Variants in ASXL1 observed in about 807,000 individuals in gnomAD.
ASXL1 encodes ASXL transcriptional regulator 1.
In ASXL1, 65 loss-of-function variants were observed where a neutral mutation model predicts 89.1. That is an observed-to-expected ratio of 0.73 (90% CI 0.60 to 0.90). The LOEUF (loss-of-function observed/expected upper bound fraction) is 0.90, where lower values mean the gene tolerates loss of function less well. Ranked by LOEUF, ASXL1 falls within the 40% of genes least tolerant of loss-of-function variation. ASXL1 has a pLI of 0.00. For synonymous variants in ASXL1, 739 were observed against 746.9 expected, an observed-to-expected ratio of 0.99 and a Z score of 0.17; for missense variants, 1,786 against 1,942.9, an observed-to-expected ratio of 0.92 and a Z score of 1.52.
intron 1 of ASXL1, 148 bp downstream of exon 1, chr20:32,358,980 A>G: frequency 2.3e-6 from 2 of 880,042 alleles, no homozygotes; most frequent in South Asian, 3.7e-5. Flanking sequence ...CAGCCCCGCA[A>G]GGCGAGGGGT....
At chr20:32,415,164 A>T (rs1250671239) in intron 4 of ASXL1, among the ~76,000 whole-genome samples, 1 of 151,812 alleles carries the variant, frequency 6.6e-6, no homozygotes, top group Non-Finnish European at 1.5e-5. Context: ...GCCCGCCATC[A>T]CCCCTGGCTA....
chr20:32,429,286 T>C lies in ASXL1; in HGVS notation c.472-52T>C, dbSNP rs901089737. The C allele has an allele frequency of 1.3e-6, 2 of 1,564,020 alleles. No individual in the cohort carries two copies. The highest frequency in any genetic ancestry group is 8.8e-7 in the Non-Finnish European group (1 of 1,138,486). ...GAGATAGTGTCGCCAGGGAATGCTTTTGTGGCTCTGCAGTTGACTTGGGCT... is the reference window on the plus strand; with the variant it reads ...GAGATAGTGTCGCCAGGGAATGCTTCTGTGGCTCTGCAGTTGACTTGGGCT... On this transcript the variant is annotated intron_variant, in intron 6 of 12. Coordinates refer to ENST00000375687, the MANE Select transcript of ASXL1 (RefSeq NM_015338.6). The surrounding 1 kb of genome is among the most constrained non-coding windows in gnomAD (Gnocchi z 4.9).
chr20:32,398,591 TTTTTTTTGTTTG>T (rs1269226394), intron 4 of ASXL1, among the ~76,000 whole-genome samples: 2,065 of 142,158 alleles, frequency 0.015, 56 homozygotes, highest in African/African-American at 0.048. Context: ...GCTGGTTTTG[TTTTTTTTGTTTG>T]TTTTTTTTTT....
intron 4 of ASXL1, among the ~76,000 whole-genome samples, chr20:32,398,152 C>T (rs941350566): frequency 1.3e-5 from 2 of 152,094 alleles, no homozygotes; most frequent in Non-Finnish European, 2.9e-5. Context: ...TTAAATGAAT[C>T]AATAGGTTGT....
chr20:32,411,663 T>G (rs1330749893), intron 4 of ASXL1, among the ~76,000 whole-genome samples: 2 of 150,330 alleles, frequency 1.3e-5, no homozygotes, highest in African/African-American at 4.9e-5. Context: ...TGCCTCAGCC[T>G]CACAAGTAGC....
At chr20:32,405,840 C>G (rs1600534523) in intron 4 of ASXL1, among the ~76,000 whole-genome samples, 1 of 152,076 alleles carries the variant, frequency 6.6e-6, no homozygotes, top group South Asian at 2.1e-4. Flanking sequence ...TATTGATTAT[C>G]TCTTTGATCA....
chr20:32,398,466 T>A, intron 4 of ASXL1, among the ~76,000 whole-genome samples: 1 of 152,194 alleles, frequency 6.6e-6, no homozygotes, highest in East Asian at 1.9e-4. Flanking sequence ...CATTTTTCTC[T>A]CTGTCCTTTT....
At chr20:32,403,571 C>T (rs1040296667) in intron 4 of ASXL1, among the ~76,000 whole-genome samples, 20 of 152,122 alleles carry the variant, frequency 1.3e-4, no homozygotes, top group African/African-American at 4.8e-4. Context: ...TACACCACCA[C>T]TCCCAGCTAA....
intron 1 of ASXL1, among the ~76,000 whole-genome samples, chr20:32,362,882 A>G (rs1220913571): frequency 1.3e-5 from 2 of 152,206 alleles, no homozygotes; most frequent in Non-Finnish European, 2.9e-5. Context: ...GTTTGGGAGA[A>G]ATAGCCAAGG....
chr20:32,379,738 A>C (rs2048454505), intron 4 of ASXL1, among the ~76,000 whole-genome samples: 2 of 151,874 alleles, frequency 1.3e-5, no homozygotes, highest in South Asian at 4.2e-4. Flanking sequence ...AGGCAGGAGA[A>C]TCACTTGAAC....
intron 4 of ASXL1, chr20:32,372,199 T>C (rs769925859): frequency 4.8e-5 from 64 of 1,345,884 alleles, no homozygotes; most frequent in Non-Finnish European, 6.2e-5. Context: ...TCATCTTAAT[T>C]TTAATATATC....
intron 1 of ASXL1, among the ~76,000 whole-genome samples, chr20:32,364,634 C>T (rs966018586): frequency 1.3e-5 from 2 of 152,210 alleles, no homozygotes; most frequent in African/African-American, 4.8e-5. Flanking sequence ...CTCCTGAGCG[C>T]AGCAAGTGAC....
chr20:32,374,275 T>C (rs758306756), intron 4 of ASXL1, among the ~76,000 whole-genome samples: 1 of 152,140 alleles, frequency 6.6e-6, no homozygotes, highest in Non-Finnish European at 1.5e-5. Flanking sequence ...ATTATAGGCA[T>C]GAGCCACTGT....
In ASXL1 at chr20:32,436,851, C is replaced by G. The variant is rs139319958; in HGVS notation, c.4139C>G (p.Ala1380Gly). The G allele has an allele frequency of 2.2e-5, 36 of 1,614,166 alleles. No homozygotes were observed. In the African/African-American group the frequency reaches 3.5e-4, roughly 16 times the overall value. Reference sequence around the variant, plus strand: ...ACTTTTGTGGGGGGTCCTCTTAAGGCAAATGCCGAGAACAGGAAAGCTACT... The same window carrying G: ...ACTTTTGTGGGGGGTCCTCTTAAGGGAAATGCCGAGAACAGGAAAGCTACT... ...EKTFVGGPLK[A>G]NAENRKATGH... The change falls in exon 13 of 13, where the codon GCA becomes GGA. Residue 1380 changes from alanine (A) to glycine (G), a missense_variant. By Grantham distance (60) the Ala-to-Gly change is moderately conservative (BLOSUM62 0). Coordinates refer to ENST00000375687, the MANE Select transcript of ASXL1 (RefSeq NM_015338.6).
chr20:32,391,919 C>T (rs2048678502), intron 4 of ASXL1, among the ~76,000 whole-genome samples: 1 of 149,450 alleles, frequency 6.7e-6, no homozygotes, highest in Non-Finnish European at 1.5e-5. Context: ...TTTTTCCATC[C>T]TTTTGTGTTA....
Position 32,434,869 on chromosome 20 carries a change from G to C in ASXL1, c.2157G>C (p.Glu719Asp). ...AGTAMSRARR[E>D]DLPSLRKEES... is the part of the protein sequence containing the mutation. ...CTGCCATGTCCAGAGCTAGGAGAGA[G>C]GACCTGCCTTCTCTGAGAAAGGAGG... Residue 719 changes from glutamate (E) to aspartate (D), a missense_variant, in exon 13 of 13, where the codon GAG becomes GAC. By Grantham distance (45) the Glu-to-Asp change is conservative. This residue lies in a region of ASXL1 where 1,418 missense variants were observed against 1,427.8 expected (regional missense o/e 0.99). Transcript: ENST00000375687. 1.2e-6 allele frequency: 2 copies of C among 1,614,186 alleles called. No individual in the cohort carries two copies. Among genetic ancestry groups the C allele is most frequent in the Non-Finnish European group, 1.7e-6 (2 of 1,180,030 alleles).
intron 10 of ASXL1, among the ~76,000 whole-genome samples, chr20:32,432,061 T>C (rs1414131087): frequency 1.3e-5 from 2 of 152,242 alleles, no homozygotes; most frequent in Non-Finnish European, 2.9e-5. Flanking sequence ...TGTTAGCTTC[T>C]ATTAATTTAA....
At chr20:32,434,107 A>G in intron 12 of ASXL1, 190 bp downstream of exon 12, 1 of 873,678 alleles carries the variant, frequency 1.1e-6, no homozygotes, top group Non-Finnish European at 1.7e-6. Context: ...TTTTTTGTTC[A>G]CTCTGTTGAA....
At chr20:32,411,205 T>C (rs1376174069) in intron 4 of ASXL1, among the ~76,000 whole-genome samples, 1 of 145,544 alleles carries the variant, frequency 6.9e-6, no homozygotes, top group Non-Finnish European at 1.5e-5. Flanking sequence ...TCGTTGTGAA[T>C]TTATGGATTC....
Sources: gnomAD v4.1 joint callset for allele counts (sites outside exome capture counted in the v4.1 genomes callset) on GRCh38, gnomAD v4.1.1 for gene constraint, gnomAD v4.1.1 regional missense constraint, Gnocchi (gnomAD v3.1) non-coding constraint, MANE v1.5 for transcripts, NCBI Gene and HGNC (gene_info 2026-07-23, HGNC 2026-07-21) for gene names.